COBL: variants seen among roughly 807,000 people sequenced by gnomAD.
COBL encodes the protein cordon-bleu WH2 repeat protein, also known as protein cordon-bleu.
In COBL, 51 loss-of-function variants were observed where a neutral mutation model predicts 98.8. That is an observed-to-expected ratio of 0.52 (90% CI 0.41 to 0.65). COBL has a LOEUF of 0.65. Among genes scored for constraint, COBL ranks in the 30% least tolerant of loss-of-function variants. The pLI, the probability that COBL is intolerant of heterozygous loss-of-function variation, is 0.00. For missense variants in COBL, 1,617 were observed against 1,617.5 expected (o/e 1.00, Z 0.01); for synonymous variants, 634 against 651.7 (o/e 0.97, Z 0.41).
At chr7:51,250,899 C>T (rs1040166218) in intron 1 of COBL, among the ~76,000 whole-genome samples, 3 of 152,104 alleles carry the variant, frequency 2.0e-5, no homozygotes, top group African/African-American at 7.2e-5. Flanking sequence ...AAAAGAGGGG[C>T]CTCAGCCACA....
chr7:51,158,822 G>A (rs1264159866), intron 5 of COBL, among the ~76,000 whole-genome samples: 1 of 152,200 alleles, frequency 6.6e-6, no homozygotes, highest in Non-Finnish European at 1.5e-5. Context: ...CTGAGCCAGG[G>A]GTGTCCATAG....
intron 6 of COBL, among the ~76,000 whole-genome samples, chr7:51,127,194 G>A (rs931643650): frequency 1.2e-4 from 18 of 152,180 alleles, no homozygotes; most frequent in African/African-American, 4.1e-4. Context: ...TACGAGATGA[G>A]TGACAACATG....
chr7:51,083,010 AGAGAGAT>A (rs1793822393), intron 7 of COBL: 2 of 1,516,800 alleles, frequency 1.3e-6, no homozygotes, highest in Non-Finnish European at 1.8e-6. Flanking sequence ...CGCAGTGCTC[AGAGAGAT>A]GAACAGTTAA....
intron 1 of COBL, among the ~76,000 whole-genome samples, chr7:51,279,566 C>T (rs879821169): frequency 1.3e-5 from 2 of 152,136 alleles, no homozygotes; most frequent in Non-Finnish European, 2.9e-5. Flanking sequence ...GCAGAGCCTC[C>T]CCGACAACCC....
chr7:51,065,003 C>T, intron 7 of COBL: 1 of 604,086 alleles, frequency 1.7e-6, no homozygotes, highest in East Asian at 2.7e-5. Context: ...GGCAAGCTTT[C>T]AGACAGACAG....
intron 7 of COBL, among the ~76,000 whole-genome samples, chr7:51,051,313 T>C (rs921652612): frequency 2.1e-4 from 32 of 152,226 alleles, no homozygotes; most frequent in Admixed American, 2.1e-3. Flanking sequence ...TATCTGTGGA[T>C]TTTTAAAATT....
At chr7:51,266,907 C>A (rs934055022) in intron 1 of COBL, among the ~76,000 whole-genome samples, 2 of 152,090 alleles carry the variant, frequency 1.3e-5, no homozygotes, top group Admixed American at 6.5e-5. Flanking sequence ...TTTTTATATT[C>A]CCTATTAACT....
intron 8 of COBL, chr7:51,034,507 T>G (rs1250301338): frequency 6.6e-6 from 1 of 152,286 alleles, no homozygotes; most frequent in Non-Finnish European, 1.5e-5. Flanking sequence ...GATTTTACTT[T>G]CCAGTGTAAG....
chr7:51,178,560 TA>T (rs1563001301), intron 5 of COBL, among the ~76,000 whole-genome samples: 1 of 152,096 alleles, frequency 6.6e-6, no homozygotes, highest in Non-Finnish European at 1.5e-5. Flanking sequence ...TAAGCTGCAA[TA>T]AAAAAAGAAG....
At chr7:51,212,426 C>T (rs1278689480) in intron 2 of COBL, among the ~76,000 whole-genome samples, 1 of 152,120 alleles carries the variant, frequency 6.6e-6, no homozygotes, top group Non-Finnish European at 1.5e-5. Flanking sequence ...GTCAGAGAAG[C>T]CAAGTCCTAC....
At chr7:51,186,355 GA>G (rs1789507227) in intron 4 of COBL, among the ~76,000 whole-genome samples, 1 of 152,170 alleles carries the variant, frequency 6.6e-6, no homozygotes, top group South Asian at 2.1e-4. Context: ...TGGTAAAGTT[GA>G]AAAATCTTAA....
At chr7:51,106,419 TC>T (rs1358939012) in intron 6 of COBL, among the ~76,000 whole-genome samples, 1 of 152,144 alleles carries the variant, frequency 6.6e-6, no homozygotes, top group Non-Finnish European at 1.5e-5. Flanking sequence ...GCTGGTGTCA[TC>T]CTGGCAGATG....
chr7:51,237,990 T>A (rs534697147), intron 1 of COBL, among the ~76,000 whole-genome samples: 1 of 152,142 alleles, frequency 6.6e-6, no homozygotes, highest in African/African-American at 2.4e-5. Context: ...GGCTACACCC[T>A]CCAGGGCATG....
chr7:51,217,255 T>C (rs1330978724), intron 2 of COBL, among the ~76,000 whole-genome samples: 2 of 152,182 alleles, frequency 1.3e-5, no homozygotes, highest in Non-Finnish European at 2.9e-5. Context: ...ATGCGCATTC[T>C]ATTCTTTCCT....
intron 1 of COBL, among the ~76,000 whole-genome samples, chr7:51,263,420 G>A (rs1797897564): frequency 6.6e-6 from 1 of 152,212 alleles, no homozygotes; most frequent in Admixed American, 6.5e-5. Context: ...GCAATATGGG[G>A]GGTGGATAAG....
At chr7:51,173,954 T>G (rs774332069) in intron 5 of COBL, among the ~76,000 whole-genome samples, 41 of 152,190 alleles carry the variant, frequency 2.7e-4, no homozygotes, top group Non-Finnish European at 2.9e-4. Flanking sequence ...CCTATAATTT[T>G]TTTTCCTTTA....
Position 51,128,097 on chromosome 7 carries a change from C to T in COBL, c.957+8061G>A, listed in dbSNP as rs117550004. On this transcript the variant is annotated intron_variant, in intron 6 of 12. Transcript: ENST00000265136. ...ATACATAGAAACCCCACCTTGATGG[C>T]GACACCTTCTTCCTCCCTAAGGTTT... Among the ~76,000 whole-genome samples the T allele has an allele frequency of 1.8e-4, 28 of 152,326 alleles. No individual in the cohort carries two copies. In the East Asian group the frequency reaches 4.2e-3, roughly 23 times the overall value.
rs149376728 is a variant in COBL, at chr7:51,148,834, C to T, written c.784-12503G>A. On this transcript the variant is annotated intron_variant, in intron 5 of 12. Coordinates refer to ENST00000265136, the MANE Select transcript of COBL (RefSeq NM_015198.5). ...AAGCCAGGGCTGGCCATTCAGACAC[C>T]CCCCGGAGGACCACTGCTCCAGGCA... 3.2e-3 allele frequency among the ~76,000 whole-genome samples: 490 copies of T among 150,922 alleles called. 2 individuals are homozygous for T. The highest frequency in any genetic ancestry group is 0.011 in the African/African-American group (458 of 41,516).
chr7:51,096,847 T>TA (rs1795314950), intron 6 of COBL, among the ~76,000 whole-genome samples: 1 of 152,116 alleles, frequency 6.6e-6, no homozygotes, highest in African/African-American at 2.4e-5. Flanking sequence ...ATCGAATCAG[T>TA]AACCAAAAAC....
Sources: allele counts gnomAD v4.1 joint callset (sites outside exome capture counted in the v4.1 genomes callset), GRCh38; gene constraint gnomAD v4.1.1; transcripts MANE v1.5; gene names NCBI Gene and HGNC (gene_info 2026-07-23, HGNC 2026-07-21).